CDON: variants seen among roughly 807,000 people sequenced by gnomAD.
CDON encodes the protein cell adhesion associated, oncogene regulated, also known as cell adhesion molecule-related/down-regulated by oncogenes.
Under a neutral mutation model 120.9 loss-of-function variants are expected in CDON, and 73 were observed. The ratio of observed to expected loss-of-function variants is 0.60; its 90% CI spans 0.50 to 0.73. The LOEUF is 0.73. Ranked by LOEUF, CDON falls within the 30% of genes least tolerant of loss-of-function variation. The pLI is 0.00. For synonymous variants in CDON, 566 were observed against 573.5 expected (o/e 0.99, Z 0.19); for missense variants, 1,470 against 1,587.3 (o/e 0.93, Z 1.26).
At chr11:125,963,112 A>T (rs1345249691) in intron 18 of CDON, among the ~76,000 whole-genome samples, 1 of 152,108 alleles carries the variant, frequency 6.6e-6, no homozygotes, top group Non-Finnish European at 1.5e-5. Context: ...CCAAGATTGG[A>T]GAATGCTTTC....
In CDON at chr11:125,958,565, A is replaced by ATATATATGTGTGTGTG. The variant is rs371911236; in HGVS notation, c.*2376_*2377insCACACACACATATATA. Reference sequence around the variant, plus strand: ...AAGGCAATTATATATATATATATATATGTGTGTGTGTGTGTGTGTGTGTGT... The same window carrying ATATATATGTGTGTGTG: ...AAGGCAATTATATATATATATATATATATATATGTGTGTGTGTGTGTGTGTGTGTGTGTGTGTGTGT... On this transcript the variant is annotated 3_prime_UTR_variant, in exon 20 of 20. Coordinates refer to ENST00000531738, the MANE Select transcript of CDON (RefSeq NM_001378964.1). The ATATATATGTGTGTGTG allele has an allele frequency of 3.1e-5, 4 of 130,104 alleles. No homozygotes were observed. The East Asian group carries it at 7.2e-4, about 23-fold the overall frequency. The allele number at this position is 130,104 out of a possible 1,614,324, so 8.1% of individuals were successfully genotyped here. A position where few individuals can be genotyped will look rare whatever the true frequency, so the allele number is the denominator to read the frequency against.
chr11:126,044,614 T>C lies in CDON; in HGVS notation c.-62+17965A>G, dbSNP rs77682722. ...ACATGGATGGCATCAGAGGACATTATGATAAGTGAAATAAGCCAGGCACAG... is the reference window on the plus strand; with the variant it reads ...ACATGGATGGCATCAGAGGACATTACGATAAGTGAAATAAGCCAGGCACAG... On this transcript the variant is annotated intron_variant, in intron 1 of 19. Coordinates refer to ENST00000531738, the MANE Select transcript of CDON (RefSeq NM_001378964.1). Among the ~76,000 whole-genome samples, 1,362 of 152,336 alleles carry C rather than the reference T, an allele frequency of 8.9e-3. 23 individuals are homozygous for C. Among genetic ancestry groups the C allele is most frequent in the African/African-American group, 0.031 (1,285 of 41,560 alleles).
At chr11:125,970,683 G>C (rs1204311635) in intron 18 of CDON, among the ~76,000 whole-genome samples, 1 of 152,126 alleles carries the variant, frequency 6.6e-6, no homozygotes, top group Non-Finnish European at 1.5e-5. Flanking sequence ...GTTTCCTTTT[G>C]GGAATTAATC....
chr11:126,046,997 C>A (rs969796119), intron 1 of CDON, among the ~76,000 whole-genome samples: 1 of 152,206 alleles, frequency 6.6e-6, no homozygotes, highest in Non-Finnish European at 1.5e-5. Context: ...AAGTATACAT[C>A]TGAAAATTCC....
At position 126,021,321 on chromosome 11, in the gene CDON, CAA is replaced by C; in HGVS notation, c.274_275del (p.Leu92GlyfsTer10). ...LTILSLNSSL[L>X]GYYQCLANNS... ...TGTTGGCAAGGCACTGGTAGTAACC[CAA>C]AAGAGAGGAGTTGAGAGAAAGAATT... On this transcript the variant is annotated frameshift_variant, in exon 3 of 20. Coordinates refer to ENST00000531738, the MANE Select transcript of CDON (RefSeq NM_001378964.1). LOFTEE classifies it high-confidence loss of function. 1 of 1,614,098 alleles carries C rather than the reference CAA, an allele frequency of 6.2e-7. No homozygotes were observed. Among genetic ancestry groups the C allele is most frequent in the Non-Finnish European group, 8.5e-7 (1 of 1,180,000 alleles).
At chr11:125,998,936 GCTC>G (rs1315621337) in intron 11 of CDON, among the ~76,000 whole-genome samples, 5 of 152,144 alleles carry the variant, frequency 3.3e-5, no homozygotes, top group Non-Finnish European at 7.4e-5. Context: ...CCCATGCCAT[GCTC>G]CTCAATTGAG....
chr11:125,972,716 T>C lies in CDON; in HGVS notation c.3356+5588A>G, dbSNP rs533826060. Among the ~76,000 whole-genome samples, 3 of 152,300 alleles carry C rather than the reference T, an allele frequency of 2.0e-5. No homozygotes were observed. In the South Asian group the frequency reaches 6.2e-4, roughly 32 times the overall value. ...TCTTAAAAGCTCACTCCAAGAAATA[T>C]GCTTAAGTTTACAACTGAGAAGGCA... On this transcript the variant is annotated intron_variant, in intron 18 of 19. Coordinates refer to ENST00000531738, the MANE Select transcript of CDON (RefSeq NM_001378964.1).
intron 18 of CDON, among the ~76,000 whole-genome samples, chr11:125,964,548 T>C (rs990791968): frequency 2.7e-5 from 4 of 150,732 alleles, no homozygotes; most frequent in Admixed American, 6.6e-5. Flanking sequence ...ATCTGATGTC[T>C]AAAATTCAAA....
intron 1 of CDON, among the ~76,000 whole-genome samples, chr11:126,061,063 C>A (rs1007790070): frequency 6.6e-6 from 1 of 152,224 alleles, no homozygotes; most frequent in Non-Finnish European, 1.5e-5. Context: ...GTAACTGATT[C>A]TCCTGGCTGA....
intron 1 of CDON, among the ~76,000 whole-genome samples, chr11:126,025,758 C>G (rs1462313314): frequency 6.6e-6 from 1 of 151,508 alleles, no homozygotes; most frequent in Non-Finnish European, 1.5e-5. Flanking sequence ...TATGCTAAGA[C>G]TATCCTAGGA....
intron 3 of CDON, 137 bp downstream of exon 3, chr11:126,021,111 C>CA (rs1947621181): frequency 1.2e-6 from 1 of 866,710 alleles, no homozygotes; most frequent in African/African-American, 1.7e-5. Context: ...AATATACTCA[C>CA]AGCAAGAGTC....
In CDON at chr11:125,994,285, T is replaced by C; in HGVS notation, c.2649A>G (p.Glu883=). Residue 883 remains glutamate, a splice_region_variant and synonymous_variant, in exon 14 of 20, where the codon GAA becomes GAG. Transcript: ENST00000531738. ...NDSDYKRDVV[E]GSKQWHMIGH... Reference sequence around the variant, plus strand: ...ACTCCAGTGTGCCAGGGGACTTACCTTCTACAACATCCCTCTTGTAATCAC... The same window carrying C: ...ACTCCAGTGTGCCAGGGGACTTACCCTCTACAACATCCCTCTTGTAATCAC... 1.3e-6 allele frequency: 2 copies of C among 1,557,160 alleles called. No homozygotes were observed. The highest frequency in any genetic ancestry group is 1.8e-6 in the Non-Finnish European group (2 of 1,128,664).
chr11:126,032,938 G>A (rs936582309), intron 1 of CDON, among the ~76,000 whole-genome samples: 3 of 152,200 alleles, frequency 2.0e-5, no homozygotes, highest in Non-Finnish European at 4.4e-5. Context: ...AGCCCAGGAG[G>A]TTGAGGCTGC....
intron 1 of CDON, among the ~76,000 whole-genome samples, chr11:126,056,406 T>C (rs1714775523): frequency 6.6e-6 from 1 of 152,190 alleles, no homozygotes; most frequent in African/African-American, 2.4e-5. Context: ...GAGGAACCCA[T>C]CCTGCATATG....
chr11:126,050,173 T>C (rs1278561415), intron 1 of CDON, among the ~76,000 whole-genome samples: 2 of 150,392 alleles, frequency 1.3e-5, no homozygotes, highest in East Asian at 1.9e-4. Context: ...GTCAATAGTA[T>C]CTAGAATGCA....
At chr11:126,003,074 ACTC>A (rs531868535) in intron 10 of CDON, among the ~76,000 whole-genome samples, 355 of 151,682 alleles carry the variant, frequency 2.3e-3, no homozygotes, top group African/African-American at 8.2e-3. Context: ...ACTGTTAACA[ACTC>A]CTACCCCATA....
intron 1 of CDON, among the ~76,000 whole-genome samples, chr11:126,042,254 C>T (rs1271547865): frequency 6.6e-6 from 1 of 152,168 alleles, no homozygotes; most frequent in African/African-American, 2.4e-5. Flanking sequence ...AAATATTGTA[C>T]AAGTACTTAA....
At chr11:125,977,084 G>A (rs370989644) in intron 18 of CDON, among the ~76,000 whole-genome samples, 3 of 152,138 alleles carry the variant, frequency 2.0e-5, no homozygotes, top group East Asian at 3.8e-4. Context: ...CCTTTACCAG[G>A]TCTTTAGCAC....
chr11:125,977,318 C>T (rs1946174678), intron 18 of CDON, among the ~76,000 whole-genome samples: 1 of 152,218 alleles, frequency 6.6e-6, no homozygotes, highest in Non-Finnish European at 1.5e-5. Flanking sequence ...TGTTCTGCAA[C>T]TCTCAAAACA....
Sources: allele counts gnomAD v4.1 joint callset (sites outside exome capture counted in the v4.1 genomes callset), GRCh38; gene constraint gnomAD v4.1.1; transcripts MANE v1.5; gene names NCBI Gene and HGNC (gene_info 2026-07-23, HGNC 2026-07-21).